Variants in SLC18A2 observed in about 807,000 individuals in gnomAD.
SLC18A2 encodes solute carrier family 18 member A2.
Under a neutral mutation model 59.2 loss-of-function variants are expected in SLC18A2, and 33 were observed. The observed-to-expected ratio is 0.56, with a 90% confidence interval of 0.42 to 0.75. The LOEUF (loss-of-function observed/expected upper bound fraction) is 0.75. SLC18A2 is among the 30% of genes least tolerant of loss of function. SLC18A2 has a pLI of 0.00. For synonymous variants in SLC18A2, 228 were observed against 253.5 expected (o/e 0.90, Z 0.95); for missense variants, 569 against 668.6 (o/e 0.85, Z 1.64).
At chr10:117,244,835 G>A (rs1408515192) in intron 3 of SLC18A2, among the ~76,000 whole-genome samples, 1 of 152,238 alleles carries the variant, frequency 6.6e-6, no homozygotes, top group East Asian at 1.9e-4. Flanking sequence ...ATGGAGCTCC[G>A]AGTTGATGCC....
chr10:117,261,728 G>A (rs1383623411), intron 10 of SLC18A2, among the ~76,000 whole-genome samples: 2 of 152,100 alleles, frequency 1.3e-5, no homozygotes, highest in African/African-American at 2.4e-5. Context: ...CTCTCTCATC[G>A]AACAATACCT....
At chr10:117,254,342 T>TC (rs1340699139) in intron 5 of SLC18A2, 63 bp from the exon 6 acceptor site, 1 of 1,393,198 alleles carries the variant, frequency 7.2e-7, no homozygotes, top group African/African-American at 1.4e-5. Context: ...GGAAGGCGAG[T>TC]CACGCATTAT....
At chr10:117,276,030 C>T (rs1180925152) in intron 15 of SLC18A2, among the ~76,000 whole-genome samples, 2 of 151,970 alleles carry the variant, frequency 1.3e-5, no homozygotes, top group Non-Finnish European at 2.9e-5. Flanking sequence ...GTCACTTGCA[C>T]CTGTAATCCT....
At chr10:117,250,120 C>T (rs363404) in intron 3 of SLC18A2, among the ~76,000 whole-genome samples, 30,430 of 152,124 alleles carry the variant, frequency 0.2, 3,826 homozygotes, top group East Asian at 0.56. Context: ...ATGGTGGGTG[C>T]CCGAGGGGCC....
chr10:117,267,060 A>G (rs1210956455), intron 12 of SLC18A2, 25 bp downstream of exon 12: 2 of 1,568,038 alleles, frequency 1.3e-6, no homozygotes, highest in Non-Finnish European at 8.8e-7. Flanking sequence ...GCATTTGACA[A>G]GTGGGAACAA....
intron 15 of SLC18A2, 95 bp from the exon 16 acceptor site, chr10:117,277,067 G>T: frequency 1.4e-6 from 1 of 721,626 alleles, no homozygotes; most frequent in Non-Finnish European, 2.3e-6. Context: ...ATACTACATA[G>T]TTTTCAAACT....
Position 117,269,343 on chromosome 10 carries a change from C to T in SLC18A2, c.1187-728C>T, listed in dbSNP as rs1009495012. On this transcript the variant is annotated intron_variant, in intron 13 of 15. Coordinates refer to ENST00000644641, the MANE Select transcript of SLC18A2 (RefSeq NM_003054.6). The surrounding 1 kb of genome is among the most constrained non-coding windows in gnomAD (Gnocchi z 5.1). ...TATACATATACATAATACACATACA[C>T]ACATGCATACACACATATACATAGA... Among the ~76,000 whole-genome samples, 5 of 118,714 alleles carry T rather than the reference C, an allele frequency of 4.2e-5. No homozygotes were observed. The highest frequency in any genetic ancestry group is 5.5e-4 in the South Asian group (2 of 3,636). 77.9% of individuals were successfully genotyped at this position (118,714 alleles called of 152,430 possible).
rs934009129 is a variant in SLC18A2 at position 117,270,392 on chromosome 10, G to A, written c.1369G>A (p.Gly457Arg). The change falls in exon 15 of 16, where the codon GGG (glycine) becomes AGG (arginine). Residue 457 changes from glycine to arginine, a missense_variant. Physicochemically the swap from Gly to Arg is moderately radical, Grantham distance 125. Coordinates refer to ENST00000644641, the MANE Select transcript of SLC18A2 (RefSeq NM_003054.6). ...IGFPWLMTII[G>R]IIDILFAPLC... ...ATTTCCATGGCTCATGACAATTATT[G>A]GGATAATTGATATTCTTTTTGCCCC... is the stretch of plus-strand genomic sequence containing the variant. 1.1e-5 allele frequency: 18 copies of A among 1,613,712 alleles called. No homozygotes were observed. Among genetic ancestry groups the A allele is most frequent in the Non-Finnish European group, 1.4e-5 (17 of 1,179,782 alleles).
chr10:117,246,855 T>C (rs745875832), intron 3 of SLC18A2, among the ~76,000 whole-genome samples: 25 of 152,202 alleles, frequency 1.6e-4, no homozygotes, highest in Non-Finnish European at 2.9e-5. Context: ...GGTTTCACCA[T>C]GTTGGCCAAG....
chr10:117,259,488 GAGCATAGCCTCCCAC>G (rs1369901152), intron 10 of SLC18A2, among the ~76,000 whole-genome samples: 9 of 152,256 alleles, frequency 5.9e-5, no homozygotes, highest in South Asian at 2.1e-4. Flanking sequence ...CCTTATTGCA[GAGCATAGCCTCCCAC>G]AGCATAGCCT....
rs1053018677 is a variant in SLC18A2, at chr10:117,269,749, A to G, written c.1187-322A>G. Among the ~76,000 whole-genome samples, 1 of 152,168 alleles carries G rather than the reference A, an allele frequency of 6.6e-6. No individual in the cohort carries two copies. The highest frequency in any genetic ancestry group is 1.5e-5 in the Non-Finnish European group (1 of 68,022). ...GAAATGGTGCTTGCTGCTTCCTAATATGTACAAGTGCTGGGGATATGGGTG... is the reference window on the plus strand; with the variant it reads ...GAAATGGTGCTTGCTGCTTCCTAATGTGTACAAGTGCTGGGGATATGGGTG... On this transcript the variant is annotated intron_variant, in intron 13 of 15. Transcript: ENST00000644641. The surrounding 1 kb of genome is among the most constrained non-coding windows in gnomAD (Gnocchi z 5.1).
At chr10:117,273,531 C>T (rs1411064200) in intron 15 of SLC18A2, among the ~76,000 whole-genome samples, 1 of 152,178 alleles carries the variant, frequency 6.6e-6, no homozygotes, top group Non-Finnish European at 1.5e-5. Flanking sequence ...TCCATAAAGC[C>T]CTTCCAGCAA....
At chr10:117,265,779 A>G (rs7095278) in intron 10 of SLC18A2, among the ~76,000 whole-genome samples, 72,607 of 151,926 alleles carry the variant, frequency 0.48, 18,341 homozygotes, top group Admixed American at 0.6. Context: ...GGTGTCCTCT[A>G]TGGGGACAGC....
chr10:117,256,364 G>T (rs1266335722), intron 9 of SLC18A2, among the ~76,000 whole-genome samples: 1 of 152,122 alleles, frequency 6.6e-6, no homozygotes, highest in Admixed American at 6.5e-5. Context: ...GGTGTTGCTG[G>T]GCCTCAGTAC....
chr10:117,276,773 T>C (rs1468171913), intron 15 of SLC18A2, among the ~76,000 whole-genome samples: 1 of 152,044 alleles, frequency 6.6e-6, no homozygotes, highest in East Asian at 1.9e-4. Flanking sequence ...CCTTTCAAGG[T>C]GTGTTGCTAC....
chr10:117,250,915 C>T (rs1844156508), intron 3 of SLC18A2, among the ~76,000 whole-genome samples: 1 of 152,180 alleles, frequency 6.6e-6, no homozygotes, highest in Admixed American at 6.5e-5. Context: ...ACAGTGGGCA[C>T]AGTATGGCTG....
At chr10:117,276,628 AAAAAAG>A (rs915208968) in intron 15 of SLC18A2, among the ~76,000 whole-genome samples, 3 of 110,480 alleles carry the variant, frequency 2.7e-5, no homozygotes, top group African/African-American at 9.6e-5. Context: ...AAAAAAAAAA[AAAAAAG>A]AAAGAAAGAA....
rs1327876584 is a variant in SLC18A2, at chr10:117,241,176, G to A, written c.-60G>A. 6.6e-6 allele frequency: 1 copy of A among 152,578 alleles called. No homozygotes were observed. The highest frequency in any genetic ancestry group is 2.0e-4 in the East Asian group (1 of 5,114). 9.5% of individuals were successfully genotyped at this position (152,578 alleles called of 1,614,324 possible). On this transcript the variant is annotated 5_prime_UTR_variant, in exon 1 of 16. Coordinates refer to ENST00000644641, the MANE Select transcript of SLC18A2 (RefSeq NM_003054.6). ...GGAGCCCACTGCGGTGCGGGCGTTG[G>A]CGCGGGCACGGAGGACCCGGGCAGG... is the stretch of plus-strand genomic sequence containing the variant.
intron 10 of SLC18A2, 132 bp downstream of exon 10, chr10:117,258,024 G>T (rs1017657471): frequency 3.4e-6 from 2 of 592,702 alleles, no homozygotes; most frequent in Non-Finnish European, 5.8e-6. Context: ...TCTTAATGGG[G>T]TCATTGCTTA....
Sources: allele counts gnomAD v4.1 joint callset (sites outside exome capture counted in the v4.1 genomes callset), GRCh38; gene constraint gnomAD v4.1.1; non-coding constraint Gnocchi (gnomAD v3.1); transcripts MANE v1.5; gene names NCBI Gene and HGNC (gene_info 2026-07-23, HGNC 2026-07-21).